Variants in TBC1D31 observed in about 807,000 individuals in gnomAD.
TBC1D31 encodes the protein WD repeat domain 67.
A neutral mutation model predicts 132.9 loss-of-function variants in TBC1D31; 99 were observed. The observed-to-expected ratio is 0.74, with a 90% confidence interval of 0.63 to 0.88. The LOEUF is 0.88. TBC1D31 is among the 40% of genes least tolerant of loss of function. TBC1D31 has a pLI of 0.00. For missense variants in TBC1D31, 1,134 were observed against 1,256.6 expected (o/e 0.90, Z 1.48); for synonymous variants, 385 against 419.4 (o/e 0.92, Z 1.00).
At position 123,144,766 on chromosome 8, in the gene TBC1D31, C is replaced by T; in HGVS notation, c.2885C>T (p.Ala962Val). 1 of 1,613,022 alleles carries T rather than the reference C, an allele frequency of 6.2e-7. No homozygotes were observed. The highest frequency in any genetic ancestry group is 8.5e-7 in the Non-Finnish European group (1 of 1,179,738). The part of the protein sequence containing the change: ...KEFRLRSAKK[A>V]SALSDASRKW... Reference sequence around the variant, plus strand: ...TTCCGTTTGAGATCAGCAAAGAAAGCTTCTGCTCTTTCAGATGCGTCTAGA... The same window carrying T: ...TTCCGTTTGAGATCAGCAAAGAAAGTTTCTGCTCTTTCAGATGCGTCTAGA... The change falls in exon 20 of 22, where the codon GCT becomes GTT. Residue 962 changes from alanine (A) to valine (V), a missense_variant. By Grantham distance (64) the Ala-to-Val change is moderately conservative. Coordinates refer to ENST00000287380, the MANE Select transcript of TBC1D31 (RefSeq NM_145647.4).
At chr8:123,091,801 C>G (rs904091057) in intron 4 of TBC1D31, among the ~76,000 whole-genome samples, 1 of 152,064 alleles carries the variant, frequency 6.6e-6, no homozygotes, top group Non-Finnish European at 1.5e-5. Flanking sequence ...CAAAAGGAAG[C>G]ATTGTTTATG....
At chr8:123,128,224 T>C in intron 13 of TBC1D31, 57 bp from the exon 14 acceptor site, 1 of 864,180 alleles carries the variant, frequency 1.2e-6, no homozygotes, top group Non-Finnish European at 1.9e-6. Context: ...GTTTTAATTC[T>C]ACCTCATAAT....
At chr8:123,160,541 C>A in the TBC1D31 span, among the ~76,000 whole-genome samples, 1 of 152,076 alleles carries the variant, frequency 6.6e-6, no homozygotes, top group African/African-American at 2.4e-5. Flanking sequence ...TGGGCTGATC[C>A]TGCCTTGGGC....
downstream of TBC1D31, among the ~76,000 whole-genome samples, chr8:123,156,959 C>T (rs374746949): frequency 6.6e-6 from 1 of 152,236 alleles, no homozygotes; most frequent in African/African-American, 2.4e-5. Flanking sequence ...CTCCTCCCCC[C>T]CGCGACGGCC....
intron 4 of TBC1D31, among the ~76,000 whole-genome samples, chr8:123,089,461 G>A (rs1178696637): frequency 6.6e-6 from 1 of 152,184 alleles, no homozygotes; most frequent in Admixed American, 6.5e-5. Flanking sequence ...ATGGGCTCAT[G>A]CCTGTAATCC....
At chr8:123,147,284 T>G (rs1225226835) in intron 20 of TBC1D31, among the ~76,000 whole-genome samples, 1 of 152,088 alleles carries the variant, frequency 6.6e-6, no homozygotes, top group Non-Finnish European at 1.5e-5. Flanking sequence ...GCAATTCTCC[T>G]GCCTCAGCCT....
Position 123,120,185 on chromosome 8 carries a change from A to G in TBC1D31, c.1567A>G (p.Ile523Val). ...LICFEVIATLIINWCQHWFEY... is the reference protein window; with the variant it reads ...LICFEVIATLVINWCQHWFEY... ...CTGTTTTGAAGTTATTGCTACTCTC[A>G]TAAGTAAGTAAATACTTGTTAAAGT... The change falls in exon 11 of 22, where the codon ATA becomes GTA. Residue 523 changes from isoleucine (I) to valine (V), a missense_variant. Physicochemically the swap from Ile to Val is conservative, Grantham distance 29 (BLOSUM62 3). Coordinates refer to ENST00000287380, the MANE Select transcript of TBC1D31 (RefSeq NM_145647.4). 4 of 1,597,942 alleles carry G rather than the reference A, an allele frequency of 2.5e-6. No individual in the cohort carries two copies. The highest frequency in any genetic ancestry group is 1.1e-5 in the South Asian group (1 of 88,042).
intron 17 of TBC1D31, 144 bp downstream of exon 17, chr8:123,134,350 TAGTGAGACCCCATCTCTACTAAAAGTTTA>T (rs1342687696): frequency 1.6e-6 from 1 of 611,322 alleles, no homozygotes; most frequent in East Asian, 3.0e-5. Flanking sequence ...CTGGGCAATA[TAGTGAGACCCCATCTCTACTAAAAGTTTA>T]AAATTTAGCT....
downstream of TBC1D31, among the ~76,000 whole-genome samples, chr8:123,153,918 C>T (rs1042822866): frequency 6.6e-6 from 1 of 152,246 alleles, no homozygotes; most frequent in Non-Finnish European, 1.5e-5. Context: ...AGCTAAATCA[C>T]TCTCCACATT....
At chr8:123,130,161 G>A (rs1353932571) in intron 15 of TBC1D31, 37 bp from the exon 16 acceptor site, 1 of 1,584,296 alleles carries the variant, frequency 6.3e-7, no homozygotes, top group Non-Finnish European at 8.6e-7. Flanking sequence ...ATTAGGAATT[G>A]CTGTATTTGT....
intron 11 of TBC1D31, 37 bp from the exon 12 acceptor site, chr8:123,126,019 A>G: frequency 6.6e-7 from 1 of 1,513,178 alleles, no homozygotes; most frequent in Non-Finnish European, 8.9e-7. Context: ...ACATGGAAAG[A>G]TATTTAAAGA....
intron 2 of TBC1D31, among the ~76,000 whole-genome samples, chr8:123,077,884 A>G (rs1814701930): frequency 6.6e-6 from 1 of 152,070 alleles, no homozygotes; most frequent in African/African-American, 2.4e-5. Flanking sequence ...CACTGTCTCT[A>G]CTAAAATACA....
intron 19 of TBC1D31, 21 bp downstream of exon 19, chr8:123,142,477 CT>C: frequency 6.9e-7 from 1 of 1,452,202 alleles, no homozygotes; most frequent in Non-Finnish European, 9.2e-7. Flanking sequence ...GTGTTATAAA[CT>C]TTTTAATATC....
intron 10 of TBC1D31, among the ~76,000 whole-genome samples, chr8:123,114,220 G>T (rs898078347): frequency 5.3e-5 from 8 of 152,196 alleles, no homozygotes; most frequent in African/African-American, 1.7e-4. Context: ...GTAGCCAGGC[G>T]ACAGGCTCAT....
intron 4 of TBC1D31, among the ~76,000 whole-genome samples, chr8:123,085,408 G>C (rs1321938409): frequency 6.6e-6 from 1 of 152,020 alleles, no homozygotes; most frequent in South Asian, 2.1e-4. Context: ...AATAGTTTAT[G>C]TAAGGCTTTT....
At chr8:123,131,508 T>C (rs1430016485) in intron 16 of TBC1D31, among the ~76,000 whole-genome samples, 2 of 152,222 alleles carry the variant, frequency 1.3e-5, no homozygotes, top group African/African-American at 4.8e-5. Flanking sequence ...AACCTGCTTT[T>C]TAAAATTTCA....
chr8:123,112,907 G>A (rs1421680951), intron 10 of TBC1D31, among the ~76,000 whole-genome samples: 7 of 152,176 alleles, frequency 4.6e-5, no homozygotes, highest in Admixed American at 4.6e-4. Flanking sequence ...TCACAGTTCA[G>A]ACGTTTGTCA....
intron 12 of TBC1D31, 69 bp from the exon 13 acceptor site, chr8:123,126,439 G>A (rs1586688103): frequency 2.1e-6 from 3 of 1,404,998 alleles, no homozygotes; most frequent in East Asian, 4.6e-5. Context: ...GAATGTAAGG[G>A]AATATTACCA....
chr8:123,097,013 G>A (rs1816898059), intron 5 of TBC1D31, among the ~76,000 whole-genome samples: 1 of 152,196 alleles, frequency 6.6e-6, no homozygotes, highest in Admixed American at 6.5e-5. Context: ...GTAAACTGGT[G>A]CCTTAGCACA....
Sources: allele counts gnomAD v4.1 joint callset (sites outside exome capture counted in the v4.1 genomes callset), GRCh38; gene constraint gnomAD v4.1.1; transcripts MANE v1.5; gene names NCBI Gene and HGNC (gene_info 2026-07-23, HGNC 2026-07-21).